The following NEBL variants were observed in gnomAD, a reference collection of about 807,000 sequenced individuals.
NEBL encodes the protein nebulette.
In NEBL, 122 loss-of-function variants were observed where a neutral mutation model predicts 140.2. That is an observed-to-expected ratio of 0.87 (90% CI 0.75 to 1.01). The LOEUF (loss-of-function observed/expected upper bound fraction) is 1.01, where lower values mean the gene tolerates loss of function less well. NEBL is among the 50% of genes least tolerant of loss of function. The pLI is 0.00. For missense variants in NEBL, 1,365 were observed against 1,231.3 expected, an observed-to-expected ratio of 1.11 and a Z score of -1.62; for synonymous variants, 436 against 398.9, an observed-to-expected ratio of 1.09 and a Z score of -1.11.
chr10:21,026,017 A>C (rs1034198780), intron 2 of NEBL, among the ~76,000 whole-genome samples: 1 of 152,152 alleles, frequency 6.6e-6, no homozygotes, highest in Admixed American at 6.5e-5. Context: ...ACCTTCATCT[A>C]TATAGTCGGA....
intron 1 of NEBL, among the ~76,000 whole-genome samples, chr10:21,264,815 G>C (rs1446066274): frequency 6.6e-6 from 1 of 150,954 alleles, no homozygotes; most frequent in Admixed American, 6.6e-5. Context: ...CAAGACCAAG[G>C]TGCTAGCAGA....
At chr10:20,828,729 A>G in intron 16 of NEBL, 95 bp from the exon 17 acceptor site, 2 of 814,392 alleles carry the variant, frequency 2.5e-6, no homozygotes, top group South Asian at 1.5e-5. Context: ...AGGGAGAGAG[A>G]GAGAGTAAAA....
intron 2 of NEBL, among the ~76,000 whole-genome samples, chr10:21,054,357 G>A (rs1322814079): frequency 6.6e-6 from 1 of 152,118 alleles, no homozygotes; most frequent in Non-Finnish European, 1.5e-5. Flanking sequence ...TTCCCAGTTG[G>A]TTGTATGGGT....
chr10:20,839,967 C>G (rs953649807), intron 13 of NEBL, among the ~76,000 whole-genome samples: 2 of 152,150 alleles, frequency 1.3e-5, no homozygotes, highest in Non-Finnish European at 2.9e-5. Flanking sequence ...GAGACATCAT[C>G]TGAATTCTAC....
intron 2 of NEBL, among the ~76,000 whole-genome samples, chr10:21,150,144 G>A (rs1013826999): frequency 1.3e-5 from 2 of 152,066 alleles, no homozygotes; most frequent in Non-Finnish European, 2.9e-5. Context: ...ATGAAATAAC[G>A]AAGGCCTCAC....
intron 2 of NEBL, among the ~76,000 whole-genome samples, chr10:21,080,067 C>T (rs762267244): frequency 3.3e-5 from 5 of 152,340 alleles, no homozygotes; most frequent in Middle Eastern, 3.4e-3. Context: ...TAACTCAGAA[C>T]ATAAATCTTC....
intron 3 of NEBL, among the ~76,000 whole-genome samples, chr10:20,981,475 G>A (rs1837038851): frequency 6.6e-6 from 1 of 152,076 alleles, no homozygotes. Flanking sequence ...CATATATACT[G>A]TGGTCAGCAT....
At chr10:21,227,711 TTTCTTCTTCTTCTTCTTC>T (rs796306558) in intron 3 of NEBL, among the ~76,000 whole-genome samples, 16 of 46,468 alleles carry the variant, frequency 3.4e-4, no homozygotes, top group East Asian at 1.9e-3. Flanking sequence ...CTTCTTCTTC[TTTCTTCTTCTTCTTCTTC>T]TTCTTCTTCT....
chr10:21,239,839 A>T (rs925913167), intron 3 of NEBL, among the ~76,000 whole-genome samples: 1 of 152,002 alleles, frequency 6.6e-6, no homozygotes, highest in Non-Finnish European at 1.5e-5. Flanking sequence ...ACATGGTGAA[A>T]CCCCATCTCT....
chr10:21,032,836 A>C (rs1388261919), intron 2 of NEBL, among the ~76,000 whole-genome samples: 1 of 152,166 alleles, frequency 6.6e-6, no homozygotes, highest in Admixed American at 6.5e-5. Context: ...CTTGCCACCT[A>C]TTGATCTACT....
intron 4 of NEBL, among the ~76,000 whole-genome samples, chr10:20,938,234 G>C (rs1228044220): frequency 6.6e-6 from 1 of 152,198 alleles, no homozygotes; most frequent in Non-Finnish European, 1.5e-5. Context: ...ACTCCTCTGA[G>C]ACAAAACTTG....
At position 20,808,283 on chromosome 10, in the gene NEBL, G is replaced by C. The variant is rs10828135; in HGVS notation, c.2761+227C>G. Among the ~76,000 whole-genome samples the C allele has an allele frequency of 0.23, 34,545 of 151,188 alleles. 4,768 individuals carry two copies. Among genetic ancestry groups the C allele is most frequent in the East Asian group, 0.41 (2,077 of 5,118 alleles). ...TTTGTCATTACAAATCCATTGCTGC[G>C]ATAATAGTGAAGTAAGACGGGGGGA... On this transcript the variant is annotated intron_variant, in intron 26 of 27. Transcript: ENST00000377122.
At chr10:21,119,837 G>A (rs898980804) in intron 2 of NEBL, among the ~76,000 whole-genome samples, 1 of 151,982 alleles carries the variant, frequency 6.6e-6, no homozygotes, top group African/African-American at 2.4e-5. Context: ...TGGGATCCAG[G>A]ATCACATCCT....
At chr10:21,149,665 A>G (rs1315533104) in intron 2 of NEBL, among the ~76,000 whole-genome samples, 2 of 152,190 alleles carry the variant, frequency 1.3e-5, no homozygotes, top group African/African-American at 4.8e-5. Flanking sequence ...TAGCAAATTA[A>G]CAGAATCCAA....
chr10:21,076,930 A>G (rs1032286806), intron 2 of NEBL, among the ~76,000 whole-genome samples: 1 of 152,192 alleles, frequency 6.6e-6, no homozygotes, highest in Admixed American at 6.5e-5. Context: ...TTAGTGTTTC[A>G]TGGATGTGGA....
chr10:20,921,453 G>A (rs1564444034), intron 4 of NEBL, among the ~76,000 whole-genome samples: 1 of 152,110 alleles, frequency 6.6e-6, no homozygotes, highest in Non-Finnish European at 1.5e-5. Context: ...GAGGGAGGTA[G>A]GGTATTTCTT....
intron 2 of NEBL, among the ~76,000 whole-genome samples, chr10:21,124,239 T>C (rs1245590696): frequency 6.6e-6 from 1 of 152,236 alleles, no homozygotes; most frequent in East Asian, 1.9e-4. Flanking sequence ...AGCATATTGA[T>C]AGAACTGTTA....
intron 2 of NEBL, among the ~76,000 whole-genome samples, chr10:21,027,756 G>T (rs573875139): frequency 2.6e-5 from 4 of 152,108 alleles, no homozygotes; most frequent in Admixed American, 1.3e-4. Flanking sequence ...TTCACACTCT[G>T]ATTTTAACCA....
At chr10:21,076,474 A>AG (rs1836090073) in intron 2 of NEBL, among the ~76,000 whole-genome samples, 1 of 133,278 alleles carries the variant, frequency 7.5e-6, no homozygotes, top group East Asian at 2.2e-4. Flanking sequence ...AAAAAAAAAA[A>AG]GAATTACCAC....
Sources: allele counts gnomAD v4.1 joint callset (sites outside exome capture counted in the v4.1 genomes callset), GRCh38; gene constraint gnomAD v4.1.1; transcripts MANE v1.5; gene names NCBI Gene and HGNC (gene_info 2026-07-23, HGNC 2026-07-21).